The following GAS7 variants were observed in gnomAD, a reference collection of about 807,000 sequenced individuals.
GAS7 encodes growth arrest specific 7.
GAS7 carries 28 observed loss-of-function variants against 71.1 expected under a neutral mutation model. The ratio of observed to expected loss-of-function variants is 0.39; its 90% CI spans 0.29 to 0.54. The LOEUF (loss-of-function observed/expected upper bound fraction) is 0.54. Ranked by LOEUF, GAS7 falls within the 20% of genes least tolerant of loss-of-function variation. The pLI, the probability that GAS7 is intolerant of heterozygous loss-of-function variation, is 0.62. For synonymous variants in GAS7, 258 were observed against 245.8 expected (o/e 1.05, Z -0.46); for missense variants, 436 against 627.8 (o/e 0.69, Z 3.27).
At chr17:10,024,372 T>C (rs1406914955) in intron 1 of GAS7, among the ~76,000 whole-genome samples, 1 of 152,176 alleles carries the variant, frequency 6.6e-6, no homozygotes, top group Non-Finnish European at 1.5e-5. Flanking sequence ...CCAAGTTAAA[T>C]CCTTCCCTTC....
chr17:9,985,325 C>T (rs1216416551), intron 2 of GAS7, among the ~76,000 whole-genome samples: 4 of 152,210 alleles, frequency 2.6e-5, no homozygotes, highest in African/African-American at 9.7e-5. Context: ...AGTCCACTGG[C>T]CTCCTGGCAA....
chr17:9,993,523 C>T (rs1208129068), intron 2 of GAS7, among the ~76,000 whole-genome samples: 8 of 152,070 alleles, frequency 5.3e-5, no homozygotes, highest in Middle Eastern at 3.4e-3. Context: ...ATTGATGGGA[C>T]GTATTTCAAA....
At chr17:10,115,976 A>G (rs2073857616) in intron 1 of GAS7, among the ~76,000 whole-genome samples, 1 of 152,168 alleles carries the variant, frequency 6.6e-6, no homozygotes, top group Admixed American at 6.5e-5. Flanking sequence ...TTTGCTCAGC[A>G]CCTTGGTGGG....
At chr17:10,170,753 G>T (rs932293922) in intron 1 of GAS7, among the ~76,000 whole-genome samples, 10 of 152,204 alleles carry the variant, frequency 6.6e-5, no homozygotes, top group African/African-American at 2.4e-4. Context: ...ACGAGCGTTT[G>T]TTCAGTGAAT....
chr17:9,959,036 G>A lies in GAS7; in HGVS notation c.525+166C>T. ...AAATTGACAGGAGAAGGGGAGGTGG[G>A]AGGGGCATGTGGATGGGGAACTTGA... On this transcript the variant is annotated intron_variant, in intron 5 of 13. Transcript: ENST00000432992. This position sits in a 1 kb window ranked among gnomAD's most constrained non-coding sequence, Gnocchi z 5.0. 7.4e-7 allele frequency: 1 copy of A among 1,355,892 alleles called. No homozygotes were observed. The highest frequency in any genetic ancestry group is 9.7e-7 in the Non-Finnish European group (1 of 1,027,276). 84.0% of individuals were successfully genotyped at this position (1,355,892 alleles called of 1,614,324 possible).
chr17:9,936,801 A>G (rs1176406564), intron 8 of GAS7, among the ~76,000 whole-genome samples: 1 of 152,248 alleles, frequency 6.6e-6, no homozygotes, highest in Non-Finnish European at 1.5e-5. Flanking sequence ...ATGACTGCCA[A>G]CTAGGAAAAC....
rs143028908 is a variant in GAS7, at chr17:10,058,442, A to T, written c.184-38545T>A. 6.7e-3 allele frequency among the ~76,000 whole-genome samples: 995 copies of T among 149,546 alleles called. 10 individuals carry two copies. Among genetic ancestry groups the T allele is most frequent in the African/African-American group, 0.023 (937 of 40,026 alleles). On this transcript the variant is annotated intron_variant, in intron 1 of 13. Coordinates refer to ENST00000432992, the MANE Select transcript of GAS7 (RefSeq NM_201433.2). ...ACTCCAGCCTGGGCTACAGAGCGAG[A>T]CTCCGTCTCAAAAAAAAAAAAAAAA...
chr17:10,192,393 C>T (rs1411588973), intron 1 of GAS7, among the ~76,000 whole-genome samples: 3 of 152,152 alleles, frequency 2.0e-5, no homozygotes. Context: ...GTCAAAATAC[C>T]TTACATGTAC....
chr17:9,939,614 CTTT>C (rs548573216), intron 8 of GAS7, among the ~76,000 whole-genome samples: 1 of 144,330 alleles, frequency 6.9e-6, no homozygotes, highest in African/African-American at 2.5e-5. Flanking sequence ...GTGGAAGTGC[CTTT>C]TTTTTTTTTT....
chr17:10,193,260 C>CAAAAAAAA (rs57261260), intron 1 of GAS7, among the ~76,000 whole-genome samples: 1 of 113,438 alleles, frequency 8.8e-6, no homozygotes, highest in African/African-American at 3.4e-5. Flanking sequence ...CCTCTAGAGT[C>CAAAAAAAA]AAAAAAAAAA....
chr17:9,985,162 G>A (rs181153743), intron 2 of GAS7, among the ~76,000 whole-genome samples: 27 of 152,248 alleles, frequency 1.8e-4, no homozygotes, highest in Admixed American at 1.2e-3. Context: ...TCTTCTCCAT[G>A]TCACTCCAGA....
intron 1 of GAS7, among the ~76,000 whole-genome samples, chr17:10,082,137 T>C (rs564071127): frequency 6.6e-6 from 1 of 152,272 alleles, no homozygotes; most frequent in Non-Finnish European, 1.5e-5. Flanking sequence ...GGTATAAATA[T>C]CGTATGGCAC....
chr17:9,983,388 G>A (rs367957578), intron 2 of GAS7, among the ~76,000 whole-genome samples: 7 of 152,314 alleles, frequency 4.6e-5, no homozygotes, highest in African/African-American at 1.7e-4. Flanking sequence ...CTACTCAGGA[G>A]GCTGAGCTGG....
chr17:10,145,047 C>G (rs1404301209), intron 1 of GAS7, among the ~76,000 whole-genome samples: 1 of 152,164 alleles, frequency 6.6e-6, no homozygotes, highest in South Asian at 2.1e-4. Context: ...AGGTTCCAAA[C>G]GGTGGCTGGG....
intron 1 of GAS7, among the ~76,000 whole-genome samples, chr17:10,108,313 C>T (rs1175467899): frequency 1.3e-5 from 2 of 152,214 alleles, no homozygotes; most frequent in African/African-American, 4.8e-5. Context: ...GGGCCAAGGG[C>T]TCAGATGTTT....
chr17:9,969,643 T>C lies in GAS7; in HGVS notation c.471+34A>G, dbSNP rs377637629. On this transcript the variant is annotated intron_variant, in intron 4 of 13. Coordinates refer to ENST00000432992, the MANE Select transcript of GAS7 (RefSeq NM_201433.2). The surrounding 1 kb of genome is among the most constrained non-coding windows in gnomAD (Gnocchi z 5.5). ...CAGTTTCCTAGGCCTGCAGAAGCAG[T>C]GACCGCTATACCTCCCTCAACAGGA... The C allele has an allele frequency of 1.7e-4, 221 of 1,288,484 alleles. 1 individual carries two copies. Among genetic ancestry groups the C allele is most frequent in the Non-Finnish European group, 2.5e-4 (217 of 883,198 alleles). 79.8% of individuals were successfully genotyped at this position (1,288,484 alleles called of 1,614,324 possible).
chr17:10,146,960 T>TAAAAAAAAA (rs1252230604), intron 1 of GAS7, among the ~76,000 whole-genome samples: 1 of 144,864 alleles, frequency 6.9e-6, no homozygotes, highest in East Asian at 2.3e-4. Context: ...CTCCGTCTCA[T>TAAAAAAAAA]AAAAAAAACG....
intron 2 of GAS7, among the ~76,000 whole-genome samples, chr17:9,982,861 G>GAAAGC (rs1555611387): frequency 6.9e-5 from 10 of 144,096 alleles, no homozygotes; most frequent in East Asian, 4.0e-4. Flanking sequence ...AAGAAAGAAA[G>GAAAGC]AAAGAAAGCA....
intron 13 of GAS7, 56 bp from the exon 14 acceptor site, chr17:9,917,397 G>C: frequency 8.1e-7 from 1 of 1,231,416 alleles, no homozygotes; most frequent in Non-Finnish European, 1.2e-6. Context: ...AGCCAGGGAG[G>C]TCTCCTCTGA....
Sources: gnomAD v4.1 joint callset for allele counts (sites outside exome capture counted in the v4.1 genomes callset) on GRCh38, gnomAD v4.1.1 for gene constraint, Gnocchi (gnomAD v3.1) non-coding constraint, MANE v1.5 for transcripts, NCBI Gene and HGNC (gene_info 2026-07-23, HGNC 2026-07-21) for gene names.